SLCO1B1: variants seen among roughly 807,000 people sequenced by gnomAD.
The protein encoded by SLCO1B1 is solute carrier organic anion transporter family member 1B1.
SLCO1B1 carries 81 observed loss-of-function variants against 70.1 expected under a neutral mutation model. The ratio of observed to expected loss-of-function variants is 1.16; its 90% confidence interval spans 0.97 to 1.39. The LOEUF is 1.39. Ranked by LOEUF, SLCO1B1 falls within the 40% of genes most tolerant of loss-of-function variation. SLCO1B1 has a pLI of 0.00. For synonymous variants in SLCO1B1, 283 were observed against 271.5 expected (o/e 1.04, Z -0.42); for missense variants, 895 against 799.6 (o/e 1.12, Z -1.44).
chr12:21,210,604 T>C (rs1420136708), intron 11 of SLCO1B1, among the ~76,000 whole-genome samples: 2 of 149,942 alleles, frequency 1.3e-5, no homozygotes, highest in African/African-American at 5.0e-5. Flanking sequence ...AAGAAAGTCA[T>C]TGGTAGCTTG....
intron 14 of SLCO1B1, among the ~76,000 whole-genome samples, chr12:21,226,655 C>T (rs1941485214): frequency 6.6e-6 from 1 of 151,888 alleles, no homozygotes; most frequent in African/African-American, 2.4e-5. Context: ...TTTGTCAAAC[C>T]TATGGACCCA....
chr12:21,217,382 A>G, intron 12 of SLCO1B1, 79 bp downstream of exon 12: 1 of 1,074,024 alleles, frequency 9.3e-7, no homozygotes, highest in Non-Finnish European at 1.4e-6. Context: ...TTTACATAAT[A>G]TACTGGGAAT....
At chr12:21,163,217 A>T (rs1485053112) in intron 2 of SLCO1B1, among the ~76,000 whole-genome samples, 1 of 152,082 alleles carries the variant, frequency 6.6e-6, no homozygotes, top group Non-Finnish European at 1.5e-5. Flanking sequence ...TCTTTTAATG[A>T]CATTTCCTAT....
At chr12:21,220,219 T>A (rs533772315) in intron 12 of SLCO1B1, among the ~76,000 whole-genome samples, 7 of 152,216 alleles carry the variant, frequency 4.6e-5, no homozygotes, top group Non-Finnish European at 7.4e-5. Flanking sequence ...AAAGGGTAGA[T>A]TGGGAAAGTG....
chr12:21,202,366 TAAAGTA>T, intron 9 of SLCO1B1, 119 bp from the exon 10 acceptor site: 1 of 675,150 alleles, frequency 1.5e-6, no homozygotes. Flanking sequence ...TCCCAGAACT[TAAAGTA>T]AAATTTTAAA....
intron 2 of SLCO1B1, among the ~76,000 whole-genome samples, chr12:21,142,977 ATCCCTAATGCTGGTATT>A (rs1280952635): frequency 6.6e-6 from 1 of 152,110 alleles, no homozygotes; most frequent in East Asian, 1.9e-4. Context: ...TAAGACTGGC[ATCCCTAATGCTGGTATT>A]TCAGAAACAT....
At chr12:21,183,984 A>T (rs1305566867) in intron 7 of SLCO1B1, among the ~76,000 whole-genome samples, 1 of 152,134 alleles carries the variant, frequency 6.6e-6, no homozygotes, top group Non-Finnish European at 1.5e-5. Flanking sequence ...TACCAAAGAG[A>T]GAAAAGAATC....
At chr12:21,169,085 T>C (rs912735951) in intron 2 of SLCO1B1, among the ~76,000 whole-genome samples, 15 of 152,156 alleles carry the variant, frequency 9.9e-5, no homozygotes, top group Non-Finnish European at 2.9e-5. Flanking sequence ...TGCATGTGGG[T>C]ATCCAGTTTC....
At chr12:21,167,686 T>C (rs573680056) in intron 2 of SLCO1B1, among the ~76,000 whole-genome samples, 7 of 152,296 alleles carry the variant, frequency 4.6e-5, no homozygotes, top group Non-Finnish European at 8.8e-5. Flanking sequence ...TCTCTTGAAC[T>C]TTTTCATTTT....
At chr12:21,159,982 A>G (rs1940592761) in intron 2 of SLCO1B1, among the ~76,000 whole-genome samples, 1 of 152,138 alleles carries the variant, frequency 6.6e-6, no homozygotes, top group Admixed American at 6.5e-5. Context: ...GATGAAACAA[A>G]CAAAGAGAAA....
intron 2 of SLCO1B1, among the ~76,000 whole-genome samples, chr12:21,149,334 C>T (rs190072833): frequency 6.6e-6 from 1 of 152,114 alleles, no homozygotes; most frequent in African/African-American, 2.4e-5. Flanking sequence ...AGCTTTCACC[C>T]ATTCAGTATG....
Position 21,232,563 on chromosome 12 carries a change from CTA to C in SLCO1B1, c.1866-6414_1866-6413del, listed in dbSNP as rs1941549887. ...CTAAGCCTACTTTCTACATTCTTTC[CTA>C]TGACACCCCTCTCCATTACAGAACA... On this transcript the variant is annotated intron_variant, in intron 14 of 14. Coordinates refer to ENST00000256958, the MANE Select transcript of SLCO1B1 (RefSeq NM_006446.5). Among the ~76,000 whole-genome samples, 5 of 152,248 alleles carry C rather than the reference CTA, an allele frequency of 3.3e-5. No individual in the cohort carries two copies. In the South Asian group the frequency reaches 1.0e-3, roughly 32 times the overall value.
At chr12:21,170,580 T>C (rs1044653089) in intron 2 of SLCO1B1, among the ~76,000 whole-genome samples, 17 of 152,240 alleles carry the variant, frequency 1.1e-4, no homozygotes, top group African/African-American at 4.1e-4. Context: ...GAATTGACTA[T>C]CTTTGAAGAA....
chr12:21,170,345 C>A (rs1369858081), intron 2 of SLCO1B1, among the ~76,000 whole-genome samples: 1 of 152,116 alleles, frequency 6.6e-6, no homozygotes, highest in Admixed American at 6.5e-5. Context: ...GGTACAGAAA[C>A]CTTGTAATTG....
In SLCO1B1 at chr12:21,197,201, C is replaced by A; in HGVS notation, c.970+13C>A. On this transcript the variant is annotated intron_variant, in intron 8 of 14. Transcript: ENST00000256958. The stretch of plus-strand genomic sequence containing the variant: ...AAAAATGTGACTGGTAAGTATTTAA[C>A]ATTCATTGTCAATTTGGAGTTGTTA... 6.2e-7 allele frequency: 1 copy of A among 1,611,710 alleles called. No individual in the cohort carries two copies. The highest frequency in any genetic ancestry group is 1.1e-5 in the South Asian group (1 of 90,930).
intron 2 of SLCO1B1, among the ~76,000 whole-genome samples, chr12:21,147,635 G>A (rs749037276): frequency 6.6e-6 from 1 of 152,194 alleles, no homozygotes; most frequent in Non-Finnish European, 1.5e-5. Context: ...TGGCTGCATA[G>A]TATTCCATGG....
At chr12:21,140,925 TGGTAAGGTCAA>T (rs1940299218) in intron 1 of SLCO1B1, among the ~76,000 whole-genome samples, 1 of 151,906 alleles carries the variant, frequency 6.6e-6, no homozygotes, top group South Asian at 2.1e-4. Flanking sequence ...ATCATGATGG[TGGTAAGGTCAA>T]GCAATACCAG....
Position 21,199,827 on chromosome 12 carries a change from CT to C in SLCO1B1, c.971-679del, listed in dbSNP as rs1941135289. Among the ~76,000 whole-genome samples, 3 of 151,752 alleles carry C rather than the reference CT, an allele frequency of 2.0e-5. No individual in the cohort carries two copies. The South Asian group carries it at 6.2e-4, about 32-fold the overall frequency. ...TTTGTTTGTTTGTTTGAGATGGAGT[CT>C]TGTTGCTCTATTGCCTAGGCTGGAG... On this transcript the variant is annotated intron_variant, in intron 8 of 14. Coordinates refer to ENST00000256958, the MANE Select transcript of SLCO1B1 (RefSeq NM_006446.5).
intron 14 of SLCO1B1, among the ~76,000 whole-genome samples, chr12:21,228,472 T>A (rs1197582428): frequency 1.3e-5 from 2 of 152,340 alleles, no homozygotes; most frequent in East Asian, 3.9e-4. Flanking sequence ...TTAAATATCT[T>A]GTCTTAATCC....
Sources: allele counts gnomAD v4.1 joint callset (sites outside exome capture counted in the v4.1 genomes callset), GRCh38; gene constraint gnomAD v4.1.1; transcripts MANE v1.5; gene names NCBI Gene and HGNC (gene_info 2026-07-23, HGNC 2026-07-21).